Variants in WWOX observed in about 807,000 individuals in gnomAD.
The protein encoded by WWOX is WW domain-containing oxidoreductase.
WWOX carries 69 observed loss-of-function variants against 46.2 expected under a neutral mutation model. That is an observed-to-expected ratio of 1.49 (90% CI 1.23 to 1.82). The LOEUF (loss-of-function observed/expected upper bound fraction) is 1.82, where lower values mean the gene tolerates loss of function less well. Among genes scored for constraint, WWOX ranks in the 40% most tolerant of loss-of-function variants. The pLI is 0.00. For missense variants in WWOX, 919 were observed against 542.6 expected, an observed-to-expected ratio of 1.69 and a Z score of -6.89; for synonymous variants, 359 against 202.6, an observed-to-expected ratio of 1.77 and a Z score of -6.56.
intron 8 of WWOX, among the ~76,000 whole-genome samples, chr16:78,509,504 C>T (rs1385925311): frequency 6.6e-6 from 1 of 151,988 alleles, no homozygotes; most frequent in African/African-American, 2.4e-5. Flanking sequence ...CATTTTACCG[C>T]ATGTGACTAT....
intron 8 of WWOX, among the ~76,000 whole-genome samples, chr16:78,853,232 G>GT (rs1462534263): frequency 3.3e-5 from 5 of 151,610 alleles, no homozygotes; most frequent in Admixed American, 6.6e-5. Context: ...TTTCTTTTTT[G>GT]TTTTTTCTGA....
chr16:78,739,053 A>C (rs1382828967), intron 8 of WWOX, among the ~76,000 whole-genome samples: 1 of 152,144 alleles, frequency 6.6e-6, no homozygotes, highest in African/African-American at 2.4e-5. Context: ...TTCCTCTGCC[A>C]CCAGAATAAA....
chr16:79,031,565 C>G (rs1354719958), intron 8 of WWOX, among the ~76,000 whole-genome samples: 1 of 151,892 alleles, frequency 6.6e-6, no homozygotes, highest in African/African-American at 2.4e-5. Context: ...GTATGCTAAA[C>G]TTGATTGATC....
rs142951791 is a variant in WWOX, at chr16:78,881,948, C to G, written c.1057-329660C>G. Among the ~76,000 whole-genome samples the G allele has an allele frequency of 4.0e-3, 606 of 152,076 alleles. 4 individuals carry two copies. The highest frequency in any genetic ancestry group is 0.014 in the African/African-American group (578 of 41,466). On this transcript the variant is annotated intron_variant, in intron 8 of 8. Coordinates refer to ENST00000566780, the MANE Select transcript of WWOX (RefSeq NM_016373.4). ...GATAATCCTGGCCAACATGGTGAAA[C>G]CTCATCTTTACTACTAAAAATACAA...
intron 8 of WWOX, among the ~76,000 whole-genome samples, chr16:78,642,144 T>C (rs928689194): frequency 6.6e-6 from 1 of 152,204 alleles, no homozygotes; most frequent in Non-Finnish European, 1.5e-5. Flanking sequence ...CAAGAAAATA[T>C]ATGGCACTTT....
chr16:78,707,591 A>G (rs1235266543), intron 8 of WWOX, among the ~76,000 whole-genome samples: 2 of 152,114 alleles, frequency 1.3e-5, no homozygotes, highest in Non-Finnish European at 1.5e-5. Context: ...GCAGTATTCA[A>G]TCTTTTTAAG....
chr16:79,143,791 A>G (rs1255381398), intron 8 of WWOX, among the ~76,000 whole-genome samples: 1 of 152,162 alleles, frequency 6.6e-6, no homozygotes, highest in Non-Finnish European at 1.5e-5. Flanking sequence ...AAGTGACCCA[A>G]GAACACACAG....
At chr16:78,334,202 A>G (rs1370502105) in intron 5 of WWOX, among the ~76,000 whole-genome samples, 2 of 152,202 alleles carry the variant, frequency 1.3e-5, no homozygotes, top group African/African-American at 2.4e-5. Context: ...ATTAAGACAA[A>G]TGATACCACA....
At chr16:79,202,592 A>G (rs923845583) in intron 8 of WWOX, 2 of 152,228 alleles carry the variant, frequency 1.3e-5, no homozygotes, top group African/African-American at 4.8e-5. Context: ...GATTCCGGCA[A>G]GAGAAGGCAA....
At chr16:78,992,199 A>G (rs1031114809) in intron 8 of WWOX, among the ~76,000 whole-genome samples, 12 of 152,156 alleles carry the variant, frequency 7.9e-5, no homozygotes, top group Admixed American at 2.6e-4. Flanking sequence ...AGCTCCAACG[A>G]TGTCACTATT....
At chr16:78,949,572 G>C (rs1347305414) in intron 8 of WWOX, among the ~76,000 whole-genome samples, 1 of 152,200 alleles carries the variant, frequency 6.6e-6, no homozygotes, top group Admixed American at 6.5e-5. Flanking sequence ...ACATAATGCT[G>C]TATGTCATGC....
Position 79,039,217 on chromosome 16 carries a change from A to G in WWOX, c.1057-172391A>G, listed in dbSNP as rs140871207. On this transcript the variant is annotated intron_variant, in intron 8 of 8. Coordinates refer to ENST00000566780, the MANE Select transcript of WWOX (RefSeq NM_016373.4). ...AGGACTTTGCGTTGCAGTTTTGTTC[A>G]GGGGTTGCAGAATACCGATCTGACT... Among the ~76,000 whole-genome samples, 9 of 152,208 alleles carry G rather than the reference A, an allele frequency of 5.9e-5. No individual in the cohort carries two copies. In the East Asian group the frequency reaches 1.5e-3, roughly 26 times the overall value.
chr16:78,686,642 T>C (rs1465524580), intron 8 of WWOX, among the ~76,000 whole-genome samples: 1 of 152,224 alleles, frequency 6.6e-6, no homozygotes, highest in Non-Finnish European at 1.5e-5. Context: ...TAATTTGTTT[T>C]TTCGGAAGTC....
intron 8 of WWOX, among the ~76,000 whole-genome samples, chr16:78,644,025 C>A (rs1239654417): frequency 6.6e-6 from 1 of 152,038 alleles, no homozygotes. Context: ...GAGTTTGAGA[C>A]CAGCCTGACC....
At chr16:78,426,336 G>C (rs2083077007) in intron 7 of WWOX, among the ~76,000 whole-genome samples, 1 of 152,120 alleles carries the variant, frequency 6.6e-6, no homozygotes, top group East Asian at 1.9e-4. Flanking sequence ...GGGCACCACG[G>C]GATATGTTTA....
At chr16:79,109,505 C>T (rs563709788) in intron 8 of WWOX, among the ~76,000 whole-genome samples, 79 of 152,140 alleles carry the variant, frequency 5.2e-4, no homozygotes, top group African/African-American at 1.7e-3. Flanking sequence ...GTTAATCCTC[C>T]GGGCTAATTA....
chr16:78,624,392 C>G (rs561945574), intron 8 of WWOX, among the ~76,000 whole-genome samples: 2 of 152,040 alleles, frequency 1.3e-5, no homozygotes, highest in African/African-American at 4.8e-5. Flanking sequence ...TGAAACAAGA[C>G]GAAGATTTGG....
chr16:78,873,283 C>G (rs145372172), intron 8 of WWOX: 3 of 152,140 alleles, frequency 2.0e-5, no homozygotes, highest in East Asian at 1.9e-4. Context: ...TCACTAATTA[C>G]CAACGTGTAG....
At chr16:79,045,307 C>T (rs779263585) in intron 8 of WWOX, among the ~76,000 whole-genome samples, 14 of 152,136 alleles carry the variant, frequency 9.2e-5, no homozygotes, top group Non-Finnish European at 1.8e-4. Context: ...GGACATTTGA[C>T]CTACATGGAA....
Sources: gnomAD v4.1 joint callset for allele counts (sites outside exome capture counted in the v4.1 genomes callset) on GRCh38, gnomAD v4.1.1 for gene constraint, MANE v1.5 for transcripts, NCBI Gene and HGNC (gene_info 2026-07-23, HGNC 2026-07-21) for gene names.